The following TECTB variants were observed in gnomAD, a reference collection of about 807,000 sequenced individuals.
TECTB encodes the protein tectorin beta.
TECTB carries 45 observed loss-of-function variants against 43.3 expected under a neutral mutation model. That is an observed-to-expected ratio of 1.04 (90% CI 0.82 to 1.33). The LOEUF (loss-of-function observed/expected upper bound fraction) is 1.33, where lower values mean the gene tolerates loss of function less well. Ranked by LOEUF, TECTB falls within the 40% of genes most tolerant of loss-of-function variation. TECTB has a pLI of 0.00. For missense variants in TECTB, 399 were observed against 404.7 expected, an observed-to-expected ratio of 0.99 and a Z score of 0.12; for synonymous variants, 169 against 156.7, an observed-to-expected ratio of 1.08 and a Z score of -0.59.
intron 8 of TECTB, among the ~76,000 whole-genome samples, chr10:112,298,865 T>C (rs1848572008): frequency 1.3e-5 from 2 of 152,208 alleles, no homozygotes; most frequent in African/African-American, 4.8e-5. Context: ...CTGTTCTCCT[T>C]TCTGGTCTCT....
At chr10:112,291,360 A>G (rs11195877) in intron 5 of TECTB, among the ~76,000 whole-genome samples, 12,644 of 152,212 alleles carry the variant, frequency 0.083, 729 homozygotes, top group East Asian at 0.24. Flanking sequence ...TATATACCCA[A>G]AAGAATGTAT....
chr10:112,296,800 G>C (rs1183248183), intron 7 of TECTB, among the ~76,000 whole-genome samples: 1 of 152,168 alleles, frequency 6.6e-6, no homozygotes, highest in African/African-American at 2.4e-5. Context: ...ACATCATGAA[G>C]GTTCCCTGGG....
chr10:112,302,127 T>C lies in TECTB; in HGVS notation c.934T>C (p.Phe312Leu). 6.2e-7 allele frequency: 1 copy of C among 1,614,090 alleles called. No homozygotes were observed. Among genetic ancestry groups the C allele is most frequent in the Non-Finnish European group, 8.5e-7 (1 of 1,179,956 alleles). Residue 312 changes from phenylalanine (F) to leucine (L), a missense_variant, in exon 10 of 11, where the codon TTC becomes CTC. Phe to Leu is a conservative substitution (Grantham distance 22, BLOSUM62 0). Transcript: ENST00000646139. ...CAGGGGATTTTCCAGTCTCTATAGC[T>C]TCTCAGGTAAGGAAAAGAGACACTT... ...RSRGFSSLYSFSDVLHHLIMM... is the reference protein window; with the variant it reads ...RSRGFSSLYSLSDVLHHLIMM...
At chr10:112,293,714 C>A (rs915444812) in intron 5 of TECTB, 24 bp from the exon 6 acceptor site, 3 of 1,601,280 alleles carry the variant, frequency 1.9e-6, no homozygotes, top group South Asian at 2.2e-5. Context: ...GTTCATAATG[C>A]CCAGTGTCAA....
At chr10:112,286,580 C>A (rs1193570153) in intron 5 of TECTB, among the ~76,000 whole-genome samples, 189 bp downstream of exon 5, 1 of 152,184 alleles carries the variant, frequency 6.6e-6, no homozygotes, top group Non-Finnish European at 1.5e-5. Context: ...AAGTCAGATT[C>A]ATAGACTGGA....
intron 5 of TECTB, among the ~76,000 whole-genome samples, chr10:112,293,530 G>C (rs1304970512): frequency 6.6e-6 from 1 of 152,106 alleles, no homozygotes; most frequent in South Asian, 2.1e-4. Flanking sequence ...TAGAATACGT[G>C]ATTATATGAT....
Position 112,298,205 on chromosome 10 carries a change from G to A in TECTB, c.808G>A (p.Asp270Asn), listed in dbSNP as rs551864102. ...VWLHCETFIC[D>N]SEKLSCPVTC... ...GTTACACTGTGAGACGTTCATCTGC[G>A]ACAGTGAGAAACTCTCCTGCCCAGT... Residue 270 changes from aspartate (D) to asparagine (N), a missense_variant, in exon 8 of 11, where the codon GAC (aspartate) becomes AAC (asparagine). Transcript: ENST00000646139. 2.5e-5 allele frequency: 40 copies of A among 1,614,058 alleles called. No homozygotes were observed. The highest frequency in any genetic ancestry group is 1.3e-4 in the East Asian group (6 of 44,876).
At position 112,286,206 on chromosome 10, in the gene TECTB, G is replaced by A. The variant is rs908576161; in HGVS notation, c.403G>A (p.Asp135Asn). The A allele has an allele frequency of 6.2e-7, 1 of 1,614,042 alleles. No homozygotes were observed. The highest frequency in any genetic ancestry group is 1.3e-5 in the African/African-American group (1 of 74,922). ...STYLVNQAAF[D>N]QRVATVHVKN... The stretch of plus-strand genomic sequence containing the variant: ...CTACTTGGTGAACCAGGCTGCCTTT[G>A]ACCAGAGGTAAGTTGCTGTGCGGCA... Residue 135 changes from aspartate (D) to asparagine (N), a missense_variant, in exon 4 of 11, where the codon GAC (aspartate) becomes AAC (asparagine). Physicochemically the swap from Asp to Asn is conservative, Grantham distance 23. Coordinates refer to ENST00000646139, the MANE Select transcript of TECTB (RefSeq NM_058222.3).
Position 112,304,490 on chromosome 10 carries a change from C to T in TECTB, c.*1178C>T, listed in dbSNP as rs1848636670. On this transcript the variant is annotated 3_prime_UTR_variant, in exon 11 of 11. Coordinates refer to ENST00000646139, the MANE Select transcript of TECTB (RefSeq NM_058222.3). ...TCAACAAAATACAAACTGAATGAACCAATTCTGGTAGAGAATTGGCTGGAT... is the reference window on the plus strand; with the variant it reads ...TCAACAAAATACAAACTGAATGAACTAATTCTGGTAGAGAATTGGCTGGAT... The T allele has an allele frequency of 6.6e-6, 1 of 152,150 alleles. No individual in the cohort carries two copies. The highest frequency in any genetic ancestry group is 2.4e-5 in the African/African-American group (1 of 41,428). 9.4% of individuals were successfully genotyped at this position (152,150 alleles called of 1,614,324 possible).
At chr10:112,284,800 G>C (rs1191681380) in intron 3 of TECTB, 75 bp downstream of exon 3, 1 of 1,280,670 alleles carries the variant, frequency 7.8e-7, no homozygotes, top group Non-Finnish European at 1.0e-6. Flanking sequence ...TCTGCCATCT[G>C]TCCTTGAAAG....
chr10:112,286,465 G>A (rs1238482149), intron 5 of TECTB, 74 bp downstream of exon 5: 1 of 1,478,016 alleles, frequency 6.8e-7, no homozygotes, highest in African/African-American at 1.4e-5. Context: ...GCTTCCTCGG[G>A]ATTCAGTCTT....
At chr10:112,293,546 C>T (rs1848518071) in intron 5 of TECTB, among the ~76,000 whole-genome samples, 192 bp from the exon 6 acceptor site, 1 of 152,194 alleles carries the variant, frequency 6.6e-6, no homozygotes, top group African/African-American at 2.4e-5. Flanking sequence ...ATGATGTCCT[C>T]ATCCCTTCTA....
At chr10:112,300,278 GAA>G (rs35657665) in intron 9 of TECTB, among the ~76,000 whole-genome samples, 1 of 30,140 alleles carries the variant, frequency 3.3e-5, no homozygotes, top group African/African-American at 1.7e-4. Context: ...AAGAAAGAAA[GAA>G]AAGAAAGAAA....
intron 5 of TECTB, among the ~76,000 whole-genome samples, chr10:112,289,974 C>T (rs547882477): frequency 6.6e-6 from 1 of 152,264 alleles, no homozygotes; most frequent in Non-Finnish European, 1.5e-5. Context: ...GTGACTCAAC[C>T]GTTCACAACT....
chr10:112,298,303 G>T (rs1365991553), intron 8 of TECTB, 72 bp downstream of exon 8: 13 of 1,544,550 alleles, frequency 8.4e-6, no homozygotes, highest in Non-Finnish European at 1.1e-5. Flanking sequence ...GAGTTTGAGT[G>T]GGGAGATCAT....
At chr10:112,286,527 T>C (rs1848456005) in intron 5 of TECTB, 136 bp downstream of exon 5, 1 of 983,190 alleles carries the variant, frequency 1.0e-6, no homozygotes, top group Admixed American at 2.9e-5. Context: ...AAACATGAAC[T>C]TTGGTTTAGC....
intron 7 of TECTB, among the ~76,000 whole-genome samples, chr10:112,297,781 G>C (rs530102399): frequency 6.6e-6 from 1 of 152,040 alleles, no homozygotes; most frequent in Non-Finnish European, 1.5e-5. Context: ...ATCTCCTAGG[G>C]ATTTTCTTTC....
intron 10 of TECTB, 80 bp from the exon 11 acceptor site, chr10:112,303,183 G>C: frequency 6.5e-7 from 1 of 1,536,246 alleles, no homozygotes; most frequent in African/African-American, 1.4e-5. Context: ...GAAGACCCCT[G>C]AGTTAACTCT....
chr10:112,293,046 T>C (rs1035658578), intron 5 of TECTB, among the ~76,000 whole-genome samples: 1 of 152,218 alleles, frequency 6.6e-6, no homozygotes, highest in Non-Finnish European at 1.5e-5. Context: ...ATCTTCCTTA[T>C]CCCACTCTGC....
Sources: allele counts gnomAD v4.1 joint callset (sites outside exome capture counted in the v4.1 genomes callset), GRCh38; gene constraint gnomAD v4.1.1; transcripts MANE v1.5; gene names NCBI Gene and HGNC (gene_info 2026-07-23, HGNC 2026-07-21).